The following SCGN variants were observed in gnomAD, a reference collection of about 807,000 sequenced individuals.
SCGN encodes the protein secretagogin, EF-hand calcium binding protein.
Under a neutral mutation model 39.7 loss-of-function variants are expected in SCGN, and 30 were observed. That is an observed-to-expected ratio of 0.76 (90% CI 0.57 to 1.03). SCGN has a LOEUF of 1.03. Among genes scored for constraint, SCGN ranks in the 50% least tolerant of loss-of-function variants. SCGN has a pLI of 0.00. For missense variants in SCGN, 353 were observed against 349.4 expected, an observed-to-expected ratio of 1.01 and a Z score of -0.08; for synonymous variants, 106 against 114.1, an observed-to-expected ratio of 0.93 and a Z score of 0.45.
At chr6:25,669,872 G>A (rs2151379067) in intron 5 of SCGN, 127 bp from the exon 6 acceptor site, 1 of 824,596 alleles carries the variant, frequency 1.2e-6, no homozygotes, top group Middle Eastern at 2.3e-4. Context: ...TGGATTTATT[G>A]CTTGCTAAAA....
At chr6:25,689,826 T>G (rs1759753718) in intron 9 of SCGN, among the ~76,000 whole-genome samples, 1 of 152,092 alleles carries the variant, frequency 6.6e-6, no homozygotes, top group Non-Finnish European at 1.5e-5. Context: ...ATTTATAATA[T>G]CATACACAAA....
At chr6:25,672,426 A>G (rs1759512367) in intron 6 of SCGN, among the ~76,000 whole-genome samples, 1 of 152,232 alleles carries the variant, frequency 6.6e-6, no homozygotes, top group South Asian at 2.1e-4. Flanking sequence ...TGGCAGTACT[A>G]GCAGGAGCAT....
chr6:25,654,676 T>G (rs1760195371), intron 2 of SCGN, among the ~76,000 whole-genome samples: 1 of 151,892 alleles, frequency 6.6e-6, no homozygotes, highest in Non-Finnish European at 1.5e-5. Context: ...TGTCTTTTAT[T>G]TCTCCTTTCT....
At chr6:25,689,239 G>C (rs1237043435) in intron 8 of SCGN, 22 bp downstream of exon 8, 1 of 1,543,184 alleles carries the variant, frequency 6.5e-7, no homozygotes. Flanking sequence ...CATTTCTCTA[G>C]ATGGGTTTAT....
intron 1 of SCGN, 152 bp from the exon 2 acceptor site, chr6:25,653,230 T>C (rs1458903561): frequency 1.7e-6 from 1 of 601,392 alleles, no homozygotes; most frequent in Non-Finnish European, 2.9e-6. Flanking sequence ...CCATGTATTC[T>C]AGAGGTAGGT....
At chr6:25,654,490 CTG>C (rs1017340885) in intron 2 of SCGN, among the ~76,000 whole-genome samples, 28 of 152,232 alleles carry the variant, frequency 1.8e-4, no homozygotes, top group Admixed American at 1.6e-3. Context: ...TTTCTTATCT[CTG>C]TGTTTCATGG....
rs762688554 is a variant in SCGN, at chr6:25,661,627, C to T, written c.229C>T (p.Arg77Cys). The change falls in exon 3 of 11, where the codon CGC becomes TGC. Residue 77 changes from arginine (R) to cysteine (C), a missense_variant. Physicochemically the swap from Arg to Cys is radical, Grantham distance 180. Coordinates refer to ENST00000377961, the MANE Select transcript of SCGN (RefSeq NM_006998.4). ...MTTQDASKDG[R>C]IRMKELAGMF... ...TACCCAAGATGCCTCTAAAGATGGT[C>T]GCATTCGGATGAAAGAGGTAACTTT... 3.5e-5 allele frequency: 57 copies of T among 1,612,016 alleles called. No homozygotes were observed. Among genetic ancestry groups the T allele is most frequent in the South Asian group, 1.8e-4 (16 of 90,940 alleles).
At chr6:25,689,071 T>C (rs960751810) in intron 7 of SCGN, 101 bp from the exon 8 acceptor site, 3 of 719,304 alleles carry the variant, frequency 4.2e-6, no homozygotes, top group Non-Finnish European at 7.0e-6. Flanking sequence ...TATTCTGTTC[T>C]GCAGGAAATT....
intron 3 of SCGN, among the ~76,000 whole-genome samples, chr6:25,664,006 G>A (rs1760386229): frequency 6.6e-6 from 1 of 152,184 alleles, no homozygotes; most frequent in African/African-American, 2.4e-5. Flanking sequence ...TATGGGAACA[G>A]CTCAGAAAGA....
intron 2 of SCGN, among the ~76,000 whole-genome samples, chr6:25,655,692 G>A (rs563525876): frequency 6.6e-6 from 1 of 152,090 alleles, no homozygotes; most frequent in African/African-American, 2.4e-5. Flanking sequence ...CAGACCCCTA[G>A]GTCTCATCCT....
At chr6:25,692,055 CTTTT>C (rs1350638647) in intron 10 of SCGN, among the ~76,000 whole-genome samples, 1 of 152,220 alleles carries the variant, frequency 6.6e-6, no homozygotes, top group African/African-American at 2.4e-5. Context: ...TGATTCCTTT[CTTTT>C]GTTATTCTCA....
chr6:25,698,319 T>C (rs1443702896), intron 10 of SCGN, among the ~76,000 whole-genome samples: 1 of 152,208 alleles, frequency 6.6e-6, no homozygotes, highest in Non-Finnish European at 1.5e-5. Context: ...AAATAATTAC[T>C]ATGGTGGGAA....
chr6:25,661,945 GATCTAC>G, intron 3 of SCGN, among the ~76,000 whole-genome samples: 1 of 152,226 alleles, frequency 6.6e-6, no homozygotes, highest in South Asian at 2.1e-4. Flanking sequence ...TCAATTACTT[GATCTAC>G]TATTTGTCTC....
At chr6:25,655,921 A>G (rs984751026) in intron 2 of SCGN, among the ~76,000 whole-genome samples, 1 of 152,176 alleles carries the variant, frequency 6.6e-6, no homozygotes, top group Non-Finnish European at 1.5e-5. Context: ...AGCCAGGATG[A>G]TAAGTTTGAA....
intron 7 of SCGN, among the ~76,000 whole-genome samples, chr6:25,684,401 T>C (rs1477650737): frequency 6.6e-6 from 1 of 152,176 alleles, no homozygotes; most frequent in Non-Finnish European, 1.5e-5. Context: ...AGTCCCACAA[T>C]TGGCCCTGAA....
chr6:25,661,801 C>T (rs369268126), intron 3 of SCGN, among the ~76,000 whole-genome samples, 157 bp downstream of exon 3: 21 of 152,264 alleles, frequency 1.4e-4, no homozygotes, highest in East Asian at 9.6e-4. Context: ...GCCTAGATAG[C>T]ATTTTAAAAG....
At chr6:25,652,928 G>A (rs1760160026) in intron 1 of SCGN, among the ~76,000 whole-genome samples, 1 of 151,928 alleles carries the variant, frequency 6.6e-6, no homozygotes. Flanking sequence ...CTTTCAAAAC[G>A]ACTCCTCCAC....
intron 7 of SCGN, among the ~76,000 whole-genome samples, chr6:25,685,842 A>G (rs749285591): frequency 2.0e-5 from 3 of 152,152 alleles, no homozygotes; most frequent in Non-Finnish European, 4.4e-5. Flanking sequence ...CCAATATCTA[A>G]TTTTAGAACA....
intron 10 of SCGN, among the ~76,000 whole-genome samples, chr6:25,695,318 C>T (rs1239299226): frequency 1.3e-5 from 2 of 151,978 alleles, no homozygotes; most frequent in East Asian, 3.8e-4. Flanking sequence ...AAGTATACAT[C>T]CATGAAACCA....
Sources: allele counts gnomAD v4.1 joint callset (sites outside exome capture counted in the v4.1 genomes callset), GRCh38; gene constraint gnomAD v4.1.1; transcripts MANE v1.5; gene names NCBI Gene and HGNC (gene_info 2026-07-23, HGNC 2026-07-21).